Variants in CA10 observed in about 807,000 individuals in gnomAD.
The protein encoded by CA10 is carbonic anhydrase 10 (inactive), also known as carbonic anhydrase-related protein 10.
Under a neutral mutation model 44.2 loss-of-function variants are expected in CA10, and 14 were observed. The ratio of observed to expected loss-of-function variants is 0.32; its 90% CI spans 0.21 to 0.50. CA10 has a LOEUF of 0.50. Among genes scored for constraint, CA10 ranks in the 20% least tolerant of loss-of-function variants. The probability of loss-of-function intolerance (pLI) is 0.99; values close to 1 mark genes in which losing one functional copy is unlikely to be tolerated. For synonymous variants in CA10, 159 were observed against 141.6 expected (o/e 1.12, Z -0.87); for missense variants, 350 against 409.7 (o/e 0.85, Z 1.26).
chr17:51,842,642 T>C (rs1978335735), intron 3 of CA10, among the ~76,000 whole-genome samples: 1 of 152,198 alleles, frequency 6.6e-6, no homozygotes, highest in African/African-American at 2.4e-5. Context: ...CATGAAACTC[T>C]CTTTCACATA....
rs1978748783 is a variant in CA10 at position 51,850,540 on chromosome 17, TC to T, written c.279+80449del. Among the ~76,000 whole-genome samples, 5 of 152,196 alleles carry T rather than the reference TC, an allele frequency of 3.3e-5. No individual in the cohort carries two copies. The South Asian group carries it at 1.0e-3, about 32-fold the overall frequency. On this transcript the variant is annotated intron_variant, in intron 3 of 8. Transcript: ENST00000451037. ...GAGGTCTCTGCTAAGCACATTACAT[TC>T]ATTCTCTCACTTCAGCCTCCCCATA...
chr17:51,887,188 A>AT (rs1359159055), intron 3 of CA10, among the ~76,000 whole-genome samples: 1 of 147,010 alleles, frequency 6.8e-6, no homozygotes, highest in Admixed American at 6.6e-5. Context: ...AAGGAAAAAA[A>AT]TGAAAAAAAA....
At chr17:51,852,557 C>T (rs905972607) in intron 3 of CA10, among the ~76,000 whole-genome samples, 1 of 152,146 alleles carries the variant, frequency 6.6e-6, no homozygotes, top group South Asian at 2.1e-4. Context: ...AAGTAATTTT[C>T]CCAAAGTCAC....
At chr17:51,898,235 G>A (rs1388372477) in intron 3 of CA10, among the ~76,000 whole-genome samples, 2 of 151,794 alleles carry the variant, frequency 1.3e-5, no homozygotes, top group Admixed American at 6.6e-5. Context: ...TTTAAAATAT[G>A]TTTTCACAGT....
At chr17:51,939,465 T>C (rs973731974) in intron 2 of CA10, among the ~76,000 whole-genome samples, 1 of 152,152 alleles carries the variant, frequency 6.6e-6, no homozygotes, top group Non-Finnish European at 1.5e-5. Flanking sequence ...CATGCTTTAT[T>C]TTAATAGATG....
At chr17:51,863,717 C>A (rs1235013089) in intron 3 of CA10, among the ~76,000 whole-genome samples, 1 of 152,108 alleles carries the variant, frequency 6.6e-6, no homozygotes, top group Non-Finnish European at 1.5e-5. Flanking sequence ...CAGGATCATG[C>A]TATACTTGTG....
At chr17:52,037,822 A>C (rs1020564754) in intron 2 of CA10, among the ~76,000 whole-genome samples, 13 of 152,190 alleles carry the variant, frequency 8.5e-5, no homozygotes, top group African/African-American at 3.1e-4. Context: ...GAATTCCCTT[A>C]ACTTTTCCTA....
At chr17:52,127,710 C>T (rs1373365622) in intron 1 of CA10, among the ~76,000 whole-genome samples, 1 of 152,162 alleles carries the variant, frequency 6.6e-6, no homozygotes, top group African/African-American at 2.4e-5. Flanking sequence ...CAATGGTTCT[C>T]CCCTTTTCAT....
chr17:51,932,608 C>T (rs1402533048), intron 2 of CA10, among the ~76,000 whole-genome samples: 1 of 152,024 alleles, frequency 6.6e-6, no homozygotes, highest in Non-Finnish European at 1.5e-5. Context: ...TAGACCATTT[C>T]CTTTAGTTTA....
Position 51,821,804 on chromosome 17 carries a change from A to G in CA10, c.280-73986T>C, listed in dbSNP as rs542727382. 8.5e-5 allele frequency among the ~76,000 whole-genome samples: 13 copies of G among 152,312 alleles called. 1 individual carries two copies. The South Asian group carries it at 2.7e-3, about 32-fold the overall frequency. Reference sequence around the variant, plus strand: ...AGCTACTTTAATAGGGCAGAAAAGCACAGAGCTTAGAGTCAGAAGACCTAA... The same window carrying G: ...AGCTACTTTAATAGGGCAGAAAAGCGCAGAGCTTAGAGTCAGAAGACCTAA... On this transcript the variant is annotated intron_variant, in intron 3 of 8. Coordinates refer to ENST00000451037, the MANE Select transcript of CA10 (RefSeq NM_020178.5).
intron 3 of CA10, among the ~76,000 whole-genome samples, chr17:51,914,792 A>C (rs923038829): frequency 5.3e-5 from 8 of 152,200 alleles, no homozygotes; most frequent in African/African-American, 1.7e-4. Context: ...TTGGAGTCAG[A>C]CAACCTAAGA....
intron 4 of CA10, among the ~76,000 whole-genome samples, chr17:51,700,065 A>T (rs529431927): frequency 6.6e-6 from 1 of 152,254 alleles, no homozygotes; most frequent in South Asian, 2.1e-4. Flanking sequence ...AGTTTGCACC[A>T]TGGTTGTGGC....
chr17:51,715,273 G>A (rs1176831872), intron 4 of CA10, among the ~76,000 whole-genome samples: 5 of 151,882 alleles, frequency 3.3e-5, no homozygotes, highest in Non-Finnish European at 2.9e-5. Context: ...GCTAAATGAC[G>A]AGTTAATGGG....
intron 4 of CA10, among the ~76,000 whole-genome samples, chr17:51,730,667 C>T (rs1223092373): frequency 6.6e-6 from 1 of 152,036 alleles, no homozygotes; most frequent in Non-Finnish European, 1.5e-5. Flanking sequence ...ATTAAAGGTC[C>T]ACTGTAACTA....
At chr17:51,752,412 TCA>T (rs1191991958) in intron 3 of CA10, among the ~76,000 whole-genome samples, 2 of 152,016 alleles carry the variant, frequency 1.3e-5, no homozygotes, top group African/African-American at 2.4e-5. Context: ...TCTGGCTGCC[TCA>T]CAGTTCTTTT....
intron 6 of CA10, among the ~76,000 whole-genome samples, chr17:51,646,276 G>A (rs1334952400): frequency 6.6e-6 from 1 of 152,182 alleles, no homozygotes; most frequent in Non-Finnish European, 1.5e-5. Context: ...TGAGCACTAG[G>A]TAAGGAGCCT....
chr17:52,137,762 GAACA>G (rs1380795090), intron 1 of CA10, among the ~76,000 whole-genome samples: 2 of 152,166 alleles, frequency 1.3e-5, no homozygotes, highest in Non-Finnish European at 2.9e-5. Context: ...TGAACAATCT[GAACA>G]ATCACAAGCA....
At chr17:52,013,086 C>A (rs570015214) in intron 2 of CA10, among the ~76,000 whole-genome samples, 4 of 151,830 alleles carry the variant, frequency 2.6e-5, no homozygotes, top group Non-Finnish European at 5.9e-5. Flanking sequence ...TCTCTGGGAA[C>A]CAGGAAAAGC....
chr17:52,036,506 G>A (rs1986621876), intron 2 of CA10, among the ~76,000 whole-genome samples: 1 of 152,122 alleles, frequency 6.6e-6, no homozygotes, highest in South Asian at 2.1e-4. Context: ...GGGGCCACCT[G>A]GAGTATCTTG....
Sources: gnomAD v4.1 joint callset for allele counts (sites outside exome capture counted in the v4.1 genomes callset) on GRCh38, gnomAD v4.1.1 for gene constraint, MANE v1.5 for transcripts, NCBI Gene and HGNC (gene_info 2026-07-23, HGNC 2026-07-21) for gene names.